The following USP34 variants were observed in gnomAD, a reference collection of about 807,000 sequenced individuals.
USP34 encodes ubiquitin specific peptidase 34.
In USP34, 70 loss-of-function variants were observed where a neutral mutation model predicts 460.3. The observed-to-expected ratio is 0.15, with a 90% CI of 0.13 to 0.19. The LOEUF is 0.19. USP34 is among the 10% of genes least tolerant of loss of function. The probability of loss-of-function intolerance (pLI) is 1.00; values close to 1 mark genes in which losing one functional copy is unlikely to be tolerated. For synonymous variants in USP34, 1,647 were observed against 1,405.3 expected (o/e 1.17, Z -3.85); for missense variants, 3,985 against 4,236.2 (o/e 0.94, Z 1.65).
In USP34 at chr2:61,371,019, A is replaced by C. The variant is rs570581770; in HGVS notation, c.1077-440T>G. Among the ~76,000 whole-genome samples, 36 of 152,320 alleles carry C rather than the reference A, an allele frequency of 2.4e-4. No homozygotes were observed. In the South Asian group the frequency reaches 6.8e-3, roughly 29 times the overall value. On this transcript the variant is annotated intron_variant, in intron 8 of 79. Coordinates refer to ENST00000398571, the MANE Select transcript of USP34 (RefSeq NM_014709.4). The stretch of plus-strand genomic sequence containing the variant: ...AAGAATTATCCCCAAGCCAAACTGT[A>C]AGTCTCCTGGCTGATACTATTGAAG...
chr2:61,339,702 A>C, intron 16 of USP34, 21 bp from the exon 17 acceptor site: 1 of 1,308,414 alleles, frequency 7.6e-7, no homozygotes. Flanking sequence ...AAAAAAAAAA[A>C]AGACACACTA....
intron 53 of USP34, among the ~76,000 whole-genome samples, chr2:61,237,290 TAAATAA>T (rs1280073274): frequency 6.6e-6 from 1 of 152,092 alleles, no homozygotes; most frequent in Non-Finnish European, 1.5e-5. Context: ...GTACTGTTTA[TAAATAA>T]TAAGGGAGCC....
chr2:61,272,913 T>C (rs1417523326), intron 41 of USP34, among the ~76,000 whole-genome samples: 2 of 151,618 alleles, frequency 1.3e-5, no homozygotes, highest in Non-Finnish European at 2.9e-5. Context: ...TTGGGGAAAA[T>C]AAAAGAAAAA....
intron 14 of USP34, 115 bp from the exon 15 acceptor site, chr2:61,348,595 G>A (rs1341112831): frequency 6.9e-7 from 1 of 1,449,654 alleles, no homozygotes; most frequent in Non-Finnish European, 9.1e-7. Context: ...ATACTCCTTT[G>A]AACAATACAA....
chr2:61,385,607 G>A (rs1302251161), intron 5 of USP34, among the ~76,000 whole-genome samples: 1 of 138,390 alleles, frequency 7.2e-6, no homozygotes, highest in Non-Finnish European at 1.5e-5. Flanking sequence ...GGGAGGCGGA[G>A]CTTGCAGTGA....
intron 3 of USP34, among the ~76,000 whole-genome samples, chr2:61,396,579 C>T (rs563930502): frequency 6.6e-6 from 1 of 151,876 alleles, no homozygotes; most frequent in Non-Finnish European, 1.5e-5. Flanking sequence ...AGCTCTGCCT[C>T]CTGGGTTCAC....
intron 10 of USP34, among the ~76,000 whole-genome samples, chr2:61,359,785 T>C (rs1316653843): frequency 7.0e-6 from 1 of 143,808 alleles, no homozygotes; most frequent in Admixed American, 6.9e-5. Flanking sequence ...AGTTGTTTTT[T>C]TTTTTTTTTT....
At chr2:61,235,421 G>A (rs977719301) in intron 57 of USP34, among the ~76,000 whole-genome samples, 1 of 150,336 alleles carries the variant, frequency 6.7e-6, no homozygotes, top group Admixed American at 6.7e-5. Context: ...TGCCTCCCAG[G>A]TTCAAGCGAT....
At position 61,339,370 on chromosome 2, in the gene USP34, C is replaced by G. The variant is rs377463383; in HGVS notation, c.2725G>C (p.Glu909Gln). Reference protein sequence around the residue: ...IRMRFIEGCLENLGNNRSVVI... With the variant: ...IRMRFIEGCLQNLGNNRSVVI... ...CTTTACCTGTTGTTTCCCAAGTTTT[C>G]AAGGCAACCTTCAATGAATCTCATT... Residue 909 changes from glutamate to glutamine, a missense_variant, in exon 18 of 80, where the codon GAA (glutamate) becomes CAA (glutamine). This residue lies in a region of USP34 where 46 missense variants were observed against 83.1 expected (regional missense o/e 0.55). Transcript: ENST00000398571. The G allele has an allele frequency of 8.1e-6, 13 of 1,608,080 alleles. No homozygotes were observed. Among genetic ancestry groups the G allele is most frequent in the Non-Finnish European group, 1.0e-5 (12 of 1,177,926 alleles).
At chr2:61,202,161 T>C (rs1251537193) in intron 75 of USP34, among the ~76,000 whole-genome samples, 1 of 152,202 alleles carries the variant, frequency 6.6e-6, no homozygotes, top group Non-Finnish European at 1.5e-5. Flanking sequence ...CACTTTCTTC[T>C]TCTTGGATAA....
rs530820752 is a variant in USP34 at position 61,222,635 on chromosome 2, G to C, written c.7778C>G (p.Ala2593Gly). The change falls in exon 65 of 80, where the codon GCA becomes GGA. Residue 2593 changes from alanine (A) to glycine (G), a missense_variant. By Grantham distance (60) the Ala-to-Gly change is moderately conservative. Coordinates refer to ENST00000398571, the MANE Select transcript of USP34 (RefSeq NM_014709.4). ...TTTACATACCTCAGGAGTCAACTTT[G>C]CTATTGATGTGAAAAGCATAGATAC... ...HIVSMLFTSIAKLTPEAANPF... is the reference protein window; with the variant it reads ...HIVSMLFTSIGKLTPEAANPF... The C allele has an allele frequency of 2.5e-6, 4 of 1,612,178 alleles. No individual in the cohort carries two copies. The South Asian group carries it at 3.3e-5, about 13-fold the overall frequency.
chr2:61,408,108 C>G (rs1338154421), intron 2 of USP34, among the ~76,000 whole-genome samples: 1 of 152,076 alleles, frequency 6.6e-6, no homozygotes, highest in Non-Finnish European at 1.5e-5. Context: ...AAGCAAGATT[C>G]TGTCACAAAA....
At chr2:61,327,709 C>G (rs1327430576) in intron 20 of USP34, among the ~76,000 whole-genome samples, 1 of 152,092 alleles carries the variant, frequency 6.6e-6, no homozygotes, top group Non-Finnish European at 1.5e-5. Flanking sequence ...AGTATAGCCC[C>G]GATGCTGCAC....
At chr2:61,411,403 A>T (rs1694035651) in intron 2 of USP34, among the ~76,000 whole-genome samples, 1 of 152,068 alleles carries the variant, frequency 6.6e-6, no homozygotes, top group Non-Finnish European at 1.5e-5. Flanking sequence ...AAGAAAAAAA[A>T]ACTGAAAGCA....
In USP34 at chr2:61,188,650, C is replaced by T; in HGVS notation, c.10093G>A (p.Val3365Ile). The change falls in exon 80 of 80, where the codon GTA (valine) becomes ATA (isoleucine). Residue 3365 changes from valine (V) to isoleucine (I), a missense_variant. Val to Ile is a conservative substitution (Grantham distance 29). Around this residue, in one of 14 missense-constraint regions of USP34, gnomAD observed 506 missense variants for 439.0 expected, o/e 1.15. Coordinates refer to ENST00000398571, the MANE Select transcript of USP34 (RefSeq NM_014709.4). ...RRVSSDEEHT[V>I]DSCISDMKTE... ...TTCATGTCACTGATGCAGCTGTCTA[C>T]AGTGTGCTCCTCATCACTGCTAACA... 6.2e-7 allele frequency: 1 copy of T among 1,614,178 alleles called. No individual in the cohort carries two copies. Among genetic ancestry groups the T allele is most frequent in the Non-Finnish European group, 8.5e-7 (1 of 1,180,044 alleles).
chr2:61,209,782 G>T (rs115880138), intron 69 of USP34, among the ~76,000 whole-genome samples: 3 of 152,192 alleles, frequency 2.0e-5, no homozygotes, highest in Non-Finnish European at 4.4e-5. Flanking sequence ...AGGCATCATT[G>T]TCAGAGGAGA....
In USP34 at chr2:61,196,069, A is replaced by ATTTT. The variant is rs71403398; in HGVS notation, c.9509-3093_9509-3090dup. On this transcript the variant is annotated intron_variant, in intron 75 of 79. Transcript: ENST00000398571. ...CTACAGGTATGCACCACCATGCACG[A>ATTTT]TTTTTTTTTTTTTTTTTTTTTTTTT... 5.3e-3 allele frequency among the ~76,000 whole-genome samples: 221 copies of ATTTT among 41,570 alleles called. 51 individuals are homozygous for ATTTT. Among genetic ancestry groups the ATTTT allele is most frequent in the African/African-American group, 0.013 (126 of 9,518 alleles). The allele number at this position is 41,570 out of a possible 152,430, so 27.3% of individuals were successfully genotyped here. A position where few individuals can be genotyped will look rare whatever the true frequency, so the allele number is the denominator to read the frequency against.
intron 21 of USP34, among the ~76,000 whole-genome samples, chr2:61,320,776 G>A (rs1228953827): frequency 6.6e-6 from 1 of 152,118 alleles, no homozygotes. Context: ...TCGGGAGGAC[G>A]AGGTGGGTGG....
intron 1 of USP34, among the ~76,000 whole-genome samples, chr2:61,448,263 CAGG>C (rs1409244991): frequency 6.6e-6 from 1 of 152,136 alleles, no homozygotes; most frequent in African/African-American, 2.4e-5. Context: ...TGCTTCAGGC[CAGG>C]AGTTCAAGAC....
Sources: gnomAD v4.1 joint callset for allele counts (sites outside exome capture counted in the v4.1 genomes callset) on GRCh38, gnomAD v4.1.1 for gene constraint, gnomAD v4.1.1 regional missense constraint, MANE v1.5 for transcripts, NCBI Gene and HGNC (gene_info 2026-07-23, HGNC 2026-07-21) for gene names.